CPXM2: variants seen among roughly 807,000 people sequenced by gnomAD.
The protein encoded by CPXM2 is inactive carboxypeptidase-like protein X2.
CPXM2 carries 66 observed loss-of-function variants against 86.1 expected under a neutral mutation model. The ratio of observed to expected loss-of-function variants is 0.77; its 90% confidence interval spans 0.63 to 0.94. CPXM2 has a LOEUF of 0.94. Among genes scored for constraint, CPXM2 ranks in the 40% least tolerant of loss-of-function variants. The pLI is 0.00. For synonymous variants in CPXM2, 388 were observed against 400.2 expected (o/e 0.97, Z 0.36); for missense variants, 948 against 1,026.3 (o/e 0.92, Z 1.04).
chr10:123,752,501 G>A, intron 13 of CPXM2: 4 of 985,348 alleles, frequency 4.1e-6, no homozygotes, highest in Non-Finnish European at 3.6e-6. Context: ...TTTATGCCAG[G>A]CCCACTGCTA....
intron 13 of CPXM2, chr10:123,752,558 C>T: frequency 1.0e-6 from 1 of 985,422 alleles, no homozygotes; most frequent in Non-Finnish European, 1.2e-6. Flanking sequence ...GAACCCCAGC[C>T]TCGCCTCATC....
chr10:123,924,364 C>A (rs562828009), intron 2 of CPXM2, among the ~76,000 whole-genome samples: 66 of 152,300 alleles, frequency 4.3e-4, no homozygotes, highest in Non-Finnish European at 8.5e-4. Flanking sequence ...TCCCATGACC[C>A]TCTCCTTAGG....
chr10:123,784,585 T>C (rs1017008686), intron 6 of CPXM2, among the ~76,000 whole-genome samples: 7 of 152,206 alleles, frequency 4.6e-5, no homozygotes, highest in African/African-American at 1.7e-4. Flanking sequence ...GACATGGTCA[T>C]AAAAATAAAT....
chr10:123,881,385 G>A (rs1945090388), intron 1 of CPXM2, among the ~76,000 whole-genome samples: 1 of 151,766 alleles, frequency 6.6e-6, no homozygotes, highest in African/African-American at 2.4e-5. Flanking sequence ...GATAGCACCT[G>A]TTTTGGGTCA....
chr10:123,854,377 A>ATATATATTATATATTATATATATAT (rs1554885773), intron 3 of CPXM2, among the ~76,000 whole-genome samples: 1 of 120,676 alleles, frequency 8.3e-6, no homozygotes, highest in African/African-American at 3.4e-5. Flanking sequence ...TATATATAAT[A>ATATATATTATATATTATATATATAT]TATATATAAT....
intron 4 of CPXM2, among the ~76,000 whole-genome samples, chr10:123,822,101 A>G (rs1400503993): frequency 1.3e-5 from 2 of 152,250 alleles, no homozygotes; most frequent in Admixed American, 6.5e-5. Flanking sequence ...CAGCTTAAAC[A>G]GTTTTCCACA....
chr10:123,797,374 G>C (rs1032573229), intron 6 of CPXM2, among the ~76,000 whole-genome samples: 1 of 152,160 alleles, frequency 6.6e-6, no homozygotes, highest in African/African-American at 2.4e-5. Flanking sequence ...TCACTTCTGA[G>C]TGGTAGGCAT....
At chr10:123,864,317 C>T (rs148341958) in intron 2 of CPXM2, among the ~76,000 whole-genome samples, 5 of 151,682 alleles carry the variant, frequency 3.3e-5, no homozygotes, top group Non-Finnish European at 4.4e-5. Flanking sequence ...TTCTGTCAGG[C>T]GATTCCTGGT....
chr10:123,766,485 T>C (rs1194079671), intron 10 of CPXM2, among the ~76,000 whole-genome samples: 1 of 152,238 alleles, frequency 6.6e-6, no homozygotes, highest in Non-Finnish European at 1.5e-5. Context: ...GGGAGAATTA[T>C]TTCTTCTACA....
intron 10 of CPXM2, among the ~76,000 whole-genome samples, chr10:123,763,697 G>A (rs535001085): frequency 4.0e-5 from 6 of 151,852 alleles, no homozygotes; most frequent in African/African-American, 7.2e-5. Flanking sequence ...TCAATATGGC[G>A]ATCTCATTTA....
chr10:123,846,495 T>C (rs962651302), intron 3 of CPXM2, among the ~76,000 whole-genome samples: 6 of 152,128 alleles, frequency 3.9e-5, no homozygotes, highest in Admixed American at 3.9e-4. Context: ...GAAGCTTTGC[T>C]CTCTGGCCTG....
intron 2 of CPXM2, among the ~76,000 whole-genome samples, chr10:123,902,248 A>T (rs1945389339): frequency 1.3e-5 from 2 of 152,158 alleles, no homozygotes; most frequent in African/African-American, 4.8e-5. Flanking sequence ...TACCCAGGGG[A>T]GTAATCTGAC....
At chr10:123,939,009 T>C (rs533560153) in intron 2 of CPXM2, among the ~76,000 whole-genome samples, 1 of 152,022 alleles carries the variant, frequency 6.6e-6, no homozygotes, top group South Asian at 2.1e-4. Flanking sequence ...ACAGCCAGAC[T>C]CACCCCTCTC....
intron 7 of CPXM2, among the ~76,000 whole-genome samples, chr10:123,771,383 G>A (rs1564760843): frequency 6.6e-6 from 1 of 152,082 alleles, no homozygotes; most frequent in Non-Finnish European, 1.5e-5. Flanking sequence ...TCCATAGGCT[G>A]AAACCTAATG....
intron 4 of CPXM2, 86 bp from the exon 5 acceptor site, chr10:123,799,285 T>C: frequency 6.5e-7 from 1 of 1,536,268 alleles, no homozygotes; most frequent in Admixed American, 1.7e-5. Context: ...GGAGAGCAGG[T>C]GCCAGAGGCA....
At chr10:123,864,237 CGAGAGACCCCACCCACTGAGA>C (rs888626347) in intron 2 of CPXM2, among the ~76,000 whole-genome samples, 26 of 152,212 alleles carry the variant, frequency 1.7e-4, no homozygotes, top group Non-Finnish European at 3.7e-4. Flanking sequence ...TCCCGCCCAC[CGAGAGACCCCACCCACTGAGA>C]GAGAGACCCC....
At chr10:123,937,951 G>A (rs1195261481) in intron 2 of CPXM2, among the ~76,000 whole-genome samples, 1 of 152,090 alleles carries the variant, frequency 6.6e-6, no homozygotes, top group Non-Finnish European at 1.5e-5. Context: ...TGGGAAGCGT[G>A]GAAGCAGCTC....
chr10:123,801,439 A>G (rs751309818), intron 4 of CPXM2, among the ~76,000 whole-genome samples: 3 of 152,206 alleles, frequency 2.0e-5, no homozygotes, highest in East Asian at 1.9e-4. Context: ...TGAAAACAGA[A>G]TAACACATTC....
At chr10:123,901,506 C>T (rs1006291906) in intron 2 of CPXM2, among the ~76,000 whole-genome samples, 2 of 149,886 alleles carry the variant, frequency 1.3e-5, no homozygotes, top group African/African-American at 5.0e-5. Flanking sequence ...CAAGTTTTCA[C>T]ATTGCATTAT....
Sources: gnomAD v4.1 joint callset for allele counts (sites outside exome capture counted in the v4.1 genomes callset) on GRCh38, gnomAD v4.1.1 for gene constraint, MANE v1.5 for transcripts, NCBI Gene and HGNC (gene_info 2026-07-23, HGNC 2026-07-21) for gene names.